The following RAD50 variants were observed in gnomAD, a reference collection of about 807,000 sequenced individuals.
RAD50 encodes the protein DNA repair protein RAD50.
In RAD50, 132 loss-of-function variants were observed where a neutral mutation model predicts 168.8. The ratio of observed to expected loss-of-function variants is 0.78; its 90% CI spans 0.68 to 0.90. The LOEUF (loss-of-function observed/expected upper bound fraction) is 0.90, where lower values mean the gene tolerates loss of function less well. Ranked by LOEUF, RAD50 falls within the 40% of genes least tolerant of loss-of-function variation. The pLI, the probability that RAD50 is intolerant of heterozygous loss-of-function variation, is 0.00. For missense variants in RAD50, 1,347 were observed against 1,534.4 expected (o/e 0.88, Z 2.04); for synonymous variants, 525 against 497.4 (o/e 1.06, Z -0.74).
intron 19 of RAD50, among the ~76,000 whole-genome samples, chr5:132,610,545 A>G (rs1751066757): frequency 6.6e-6 from 1 of 152,180 alleles, no homozygotes; most frequent in Admixed American, 6.5e-5. Context: ...AAAATTTACT[A>G]TTTGAATGCC....
intron 13 of RAD50, among the ~76,000 whole-genome samples, chr5:132,599,526 A>G (rs1375732747): frequency 6.6e-6 from 1 of 152,188 alleles, no homozygotes; most frequent in Non-Finnish European, 1.5e-5. Flanking sequence ...AAATAAATCC[A>G]CAAATGAAAG....
intron 3 of RAD50, among the ~76,000 whole-genome samples, chr5:132,578,819 G>A (rs1014487939): frequency 2.6e-5 from 4 of 151,884 alleles, no homozygotes; most frequent in Admixed American, 2.0e-4. Flanking sequence ...ATGAGCCACC[G>A]TGCCTGGCCC....
chr5:132,624,383 G>GT lies in RAD50; in HGVS notation c.3389+6097dup, dbSNP rs199857038. On this transcript the variant is annotated intron_variant, in intron 21 of 24. Transcript: ENST00000378823. ...ACATATATTTGTTTTTTGTTTTTTG[G>GT]TTTTTTTTGCCTTTAATAATTCTTT... is the stretch of plus-strand genomic sequence containing the variant. Among the ~76,000 whole-genome samples the GT allele has an allele frequency of 2.2e-3, 326 of 151,528 alleles. 3 individuals carry two copies. Among genetic ancestry groups the GT allele is most frequent in the African/African-American group, 6.9e-3 (285 of 41,296 alleles).
rs2149841585 is a variant in RAD50, at chr5:132,589,819, C to T, written c.1434C>T (p.Asp478=). 1 of 1,612,332 alleles carries T rather than the reference C, an allele frequency of 6.2e-7. No homozygotes were observed. Among genetic ancestry groups the T allele is most frequent in the East Asian group, 2.2e-5 (1 of 44,780 alleles). ...CTTCAGACAGGATTCTTGAACTGGA[C>T]CAGGAGCTCATAAAAGCTGTAAGAT... ...EGSSDRILEL[D]QELIKAEREL... The change falls in exon 9 of 25, where the codon GAC becomes GAT. Residue 478 remains aspartate (D), a synonymous_variant. Transcript: ENST00000378823.
At position 132,609,973 on chromosome 5, in the gene RAD50, A is replaced by G. The variant is rs540498997; in HGVS notation, c.3036+577A>G. On this transcript the variant is annotated intron_variant, in intron 19 of 24. Coordinates refer to ENST00000378823, the MANE Select transcript of RAD50 (RefSeq NM_005732.4). ...TAACTGTTACACTTATTTGTTCTTA[A>G]AGAAGTTTTTTATTCATATACCAGC... 2.5e-3 allele frequency among the ~76,000 whole-genome samples: 379 copies of G among 152,050 alleles called. 1 individual carries two copies. The highest frequency in any genetic ancestry group is 4.6e-3 in the Non-Finnish European group (313 of 67,982).
In RAD50 at chr5:132,603,309, A is replaced by T. The variant is rs767394894; in HGVS notation, c.2217A>T (p.Ile739=). 6.8e-6 allele frequency: 11 copies of T among 1,611,320 alleles called. No individual in the cohort carries two copies. The highest frequency in any genetic ancestry group is 1.1e-5 in the South Asian group (1 of 90,874). Residue 739 remains isoleucine, a synonymous_variant, in exon 14 of 25, where the codon ATA becomes ATT. Coordinates refer to ENST00000378823, the MANE Select transcript of RAD50 (RefSeq NM_005732.4). The part of the protein sequence containing the change: ...MLGLVPMRQS[I]IDLKEKEIPE... ...TGTGTTTTCTATTTAGGCAAAGCAT[A>T]ATTGATTTGAAGGAGAAGGAAATAC...
chr5:132,594,287 G>A (rs541558733), intron 11 of RAD50, among the ~76,000 whole-genome samples: 1 of 152,254 alleles, frequency 6.6e-6, no homozygotes, highest in East Asian at 1.9e-4. Flanking sequence ...GGTAGCTAAT[G>A]CATCTAAACC....
At chr5:132,573,098 T>C (rs1447146617) in intron 2 of RAD50, among the ~76,000 whole-genome samples, 13 of 152,228 alleles carry the variant, frequency 8.5e-5, no homozygotes, top group Admixed American at 8.5e-4. Context: ...TGATTTTTGT[T>C]GTTGAAAATG....
At position 132,557,259 on chromosome 5, in the gene RAD50, T is replaced by TG. The variant is rs758208385; in HGVS notation, c.-65dup. On this transcript the variant is annotated 5_prime_UTR_variant, in exon 1 of 25. Transcript: ENST00000378823. ...CGGGTCTCACGTCCCGTGCACGCCT[T>TG]GCTTCGGCCTCAGTTAAGCCTTTGT... 9 of 1,585,014 alleles carry TG rather than the reference T, an allele frequency of 5.7e-6. No individual in the cohort carries two copies. The highest frequency in any genetic ancestry group is 7.8e-6 in the Non-Finnish European group (9 of 1,153,694).
chr5:132,575,851 G>A lies in RAD50; in HGVS notation c.288G>A (p.Val96=), dbSNP rs876658184. The A allele has an allele frequency of 1.3e-5, 21 of 1,604,772 alleles. No homozygotes were observed. The highest frequency in any genetic ancestry group is 1.8e-5 in the Non-Finnish European group (21 of 1,171,612). Residue 96 remains valine (V), a synonymous_variant, in exon 3 of 25, where the codon GTG becomes GTA. Coordinates refer to ENST00000378823, the MANE Select transcript of RAD50 (RefSeq NM_005732.4). ...ATGTCAATGGAGAACTTATAGCTGTGCAAAGATCTATGGTGTGTACTCAGA... is the reference window on the plus strand; with the variant it reads ...ATGTCAATGGAGAACTTATAGCTGTACAAAGATCTATGGTGTGTACTCAGA... ...FRDVNGELIA[V]QRSMVCTQKS... is the part of the protein sequence containing the mutation.
chr5:132,558,117 T>C (rs960504070), intron 1 of RAD50, among the ~76,000 whole-genome samples: 3 of 152,048 alleles, frequency 2.0e-5, no homozygotes, highest in African/African-American at 7.2e-5. Context: ...ACGATGTCAG[T>C]ATAGCAGGGA....
intron 19 of RAD50, among the ~76,000 whole-genome samples, chr5:132,610,822 A>G (rs1295628859): frequency 6.6e-6 from 1 of 152,196 alleles, no homozygotes; most frequent in Non-Finnish European, 1.5e-5. Context: ...CTCTGTATAT[A>G]TATACGAAAT....
At chr5:132,561,703 T>A (rs1750127382) in intron 2 of RAD50, among the ~76,000 whole-genome samples, 1 of 152,170 alleles carries the variant, frequency 6.6e-6, no homozygotes, top group African/African-American at 2.4e-5. Context: ...TTAATGGGCA[T>A]CTCAAATTTA....
intron 2 of RAD50, among the ~76,000 whole-genome samples, chr5:132,561,799 C>T (rs369598772): frequency 7.2e-5 from 11 of 152,230 alleles, no homozygotes; most frequent in African/African-American, 1.9e-4. Flanking sequence ...ACCCCACCCC[C>T]GCCAGTTTTG....
chr5:132,605,720 A>G (rs543959907), intron 16 of RAD50, among the ~76,000 whole-genome samples: 8 of 152,314 alleles, frequency 5.3e-5, no homozygotes, highest in Admixed American at 2.0e-4. Flanking sequence ...AATTGACCAC[A>G]TAATTGGAAG....
intron 7 of RAD50, among the ~76,000 whole-genome samples, 166 bp downstream of exon 7, chr5:132,588,255 A>T (rs1314980623): frequency 6.6e-6 from 1 of 152,176 alleles, no homozygotes; most frequent in African/African-American, 2.4e-5. Flanking sequence ...AAAATTTTAG[A>T]AATAGTGGAG....
At chr5:132,633,587 G>A (rs10052993) in intron 21 of RAD50, among the ~76,000 whole-genome samples, 2 of 150,234 alleles carry the variant, frequency 1.3e-5, no homozygotes, top group Non-Finnish European at 3.0e-5. Flanking sequence ...TTTGTTTTTT[G>A]TTTTTTCAGA....
Position 132,587,706 on chromosome 5 carries a change from A to G in RAD50, c.885+16A>G, listed in dbSNP as rs2149840489. ...AATGGAAAAGGTTTGTGGTGGTAGA[A>G]TTTTGTTCTGCTTCAAAATTTTGGG... is the stretch of plus-strand genomic sequence containing the variant. On this transcript the variant is annotated intron_variant, in intron 6 of 24. Transcript: ENST00000378823. 6.2e-7 allele frequency: 1 copy of G among 1,613,548 alleles called. No homozygotes were observed. The highest frequency in any genetic ancestry group is 8.5e-7 in the Non-Finnish European group (1 of 1,179,804).
intron 21 of RAD50, among the ~76,000 whole-genome samples, chr5:132,619,568 T>C (rs1751238868): frequency 6.6e-6 from 1 of 151,848 alleles, no homozygotes; most frequent in South Asian, 2.1e-4. Context: ...CCTGGCCCTA[T>C]TGGTCTTTTC....
Sources: gnomAD v4.1 joint callset for allele counts (sites outside exome capture counted in the v4.1 genomes callset) on GRCh38, gnomAD v4.1.1 for gene constraint, MANE v1.5 for transcripts, NCBI Gene and HGNC (gene_info 2026-07-23, HGNC 2026-07-21) for gene names.